ABLIM2: variants seen among roughly 807,000 people sequenced by gnomAD.
ABLIM2 encodes actin binding LIM protein family member 2, also known as actin-binding LIM protein 2.
ABLIM2 carries 53 observed loss-of-function variants against 97.7 expected under a neutral mutation model. The ratio of observed to expected loss-of-function variants is 0.54; its 90% CI spans 0.44 to 0.68. ABLIM2 has a LOEUF of 0.68. Ranked by LOEUF, ABLIM2 falls within the 30% of genes least tolerant of loss-of-function variation. The pLI is 0.00. For missense variants in ABLIM2, 835 were observed against 867.2 expected (o/e 0.96, Z 0.47); for synonymous variants, 361 against 345.8 (o/e 1.04, Z -0.49).
At chr4:8,007,884 C>T in intron 16 of ABLIM2, 175 bp downstream of exon 16, 2 of 1,412,188 alleles carry the variant, frequency 1.4e-6, no homozygotes, top group Non-Finnish European at 1.8e-6. Context: ...GGGAAGCCGG[C>T]AAACTGCAAA....
chr4:8,088,189 T>C lies in ABLIM2; in HGVS notation c.434A>G (p.His145Arg), dbSNP rs762505602. The C allele has an allele frequency of 2.6e-6, 4 of 1,517,612 alleles. No individual in the cohort carries two copies. The South Asian group carries it at 4.5e-5, about 17-fold the overall frequency. The allele number at this position is 1,517,612 out of a possible 1,614,324, so 94.0% of individuals were successfully genotyped here. ...SLPVSVGSSA[H>R]LSQGLRSCGG... The stretch of plus-strand genomic sequence containing the variant: ...CTTACTTCGGAGGCCCTGGGACAGG[T>C]GCGCGCTGCTGCCCACCGATACGGG... Residue 145 changes from histidine (H) to arginine (R), a missense_variant, in exon 4 of 21, where the codon CAC (histidine) becomes CGC (arginine). Coordinates refer to ENST00000447017, the MANE Select transcript of ABLIM2 (RefSeq NM_001130083.2).
rs200683603 is a variant in ABLIM2 at position 7,992,951 on chromosome 4, T to C, written c.1619-24A>G. ...TCCTGAAACAGACACAGCACAGCTTTGTCACGCGCGCAGACTCGGTGCAGC... is the reference window on the plus strand; with the variant it reads ...TCCTGAAACAGACACAGCACAGCTTCGTCACGCGCGCAGACTCGGTGCAGC... On this transcript the variant is annotated intron_variant, in intron 16 of 20. Transcript: ENST00000447017. This position sits in a 1 kb window ranked among gnomAD's most constrained non-coding sequence, Gnocchi z 5.7. 4.3e-6 allele frequency: 7 copies of C among 1,610,738 alleles called. No individual in the cohort carries two copies. The highest frequency in any genetic ancestry group is 5.1e-6 in the Non-Finnish European group (6 of 1,178,818).
intron 5 of ABLIM2, among the ~76,000 whole-genome samples, chr4:8,080,475 G>C (rs1048014891): frequency 6.6e-6 from 1 of 152,214 alleles, no homozygotes; most frequent in Non-Finnish European, 1.5e-5. Flanking sequence ...GGCTGGCCAG[G>C]GAAGGGGGAC....
At chr4:8,136,400 A>T (rs1256422965) in intron 1 of ABLIM2, among the ~76,000 whole-genome samples, 1 of 152,256 alleles carries the variant, frequency 6.6e-6, no homozygotes, top group Non-Finnish European at 1.5e-5. Flanking sequence ...TTAGTGCCAC[A>T]GGATGGCACA....
In ABLIM2 at chr4:8,142,454, G is replaced by A. The variant is rs182588492; in HGVS notation, c.10+16226C>T. ...CAGAGGGCACATGTCCTGGTCACCC[G>A]GCTTCCCCATTGCCCTCCCTGGCCC... is the stretch of plus-strand genomic sequence containing the variant. On this transcript the variant is annotated intron_variant, in intron 1 of 20. Coordinates refer to ENST00000447017, the MANE Select transcript of ABLIM2 (RefSeq NM_001130083.2). 1.2e-3 allele frequency among the ~76,000 whole-genome samples: 183 copies of A among 152,282 alleles called. 1 individual carries two copies. In the Middle Eastern group the frequency reaches 0.024, roughly 20 times the overall value.
chr4:7,989,196 T>C lies in ABLIM2; in HGVS notation c.1680+3670A>G, dbSNP rs565562767. The stretch of plus-strand genomic sequence containing the variant: ...TCCCAGGTTCAAGCATTCTTTATTC[T>C]TGTGCTCAAGTAGCTGGGATATTAG... On this transcript the variant is annotated intron_variant, in intron 17 of 20. Transcript: ENST00000447017. Among the ~76,000 whole-genome samples the C allele has an allele frequency of 2.0e-5, 3 of 151,802 alleles. No individual in the cohort carries two copies. The South Asian group carries it at 6.3e-4, about 32-fold the overall frequency.
In ABLIM2 at chr4:7,998,767, G is replaced by T. The variant is rs1293608390; in HGVS notation, c.1619-5840C>A. 3 of 457,030 alleles carry T rather than the reference G, an allele frequency of 6.6e-6. No homozygotes were observed. The highest frequency in any genetic ancestry group is 3.1e-5 in the South Asian group (2 of 64,824). The allele number at this position is 457,030 out of a possible 1,614,324, so 28.3% of individuals were successfully genotyped here. On this transcript the variant is annotated intron_variant, in intron 16 of 20. Transcript: ENST00000447017. This position sits in a 1 kb window ranked among gnomAD's most constrained non-coding sequence, Gnocchi z 6.4. ...CCTGGGCCACCTCCTGCTGCTGGGT[G>T]GGGGTGGGAGTGGGCAGGCAGGGCT...
rs1043824525 is a variant in ABLIM2 at position 7,992,422 on chromosome 4, G to A, written c.1680+444C>T. Among the ~76,000 whole-genome samples, 1 of 152,172 alleles carries A rather than the reference G, an allele frequency of 6.6e-6. No individual in the cohort carries two copies. The highest frequency in any genetic ancestry group is 1.5e-5 in the Non-Finnish European group (1 of 68,042). The stretch of plus-strand genomic sequence containing the variant: ...GCTAAGGATTATTTGGTGTCATCAC[G>A]GTAACAGTAATAGCAGGGAAGGCCA... On this transcript the variant is annotated intron_variant, in intron 17 of 20. Coordinates refer to ENST00000447017, the MANE Select transcript of ABLIM2 (RefSeq NM_001130083.2). This position sits in a 1 kb window ranked among gnomAD's most constrained non-coding sequence, Gnocchi z 5.7.
intron 1 of ABLIM2, among the ~76,000 whole-genome samples, chr4:8,133,015 T>G (rs1849645318): frequency 6.6e-6 from 1 of 152,142 alleles, no homozygotes; most frequent in Non-Finnish European, 1.5e-5. Flanking sequence ...GATCAGGGGT[T>G]GTGAGGACAA....
In ABLIM2 at chr4:8,083,139, G is replaced by A. The variant is rs1337239372; in HGVS notation, c.455-2337C>T. Among the ~76,000 whole-genome samples the A allele has an allele frequency of 6.6e-6, 1 of 152,152 alleles. No homozygotes were observed. Among genetic ancestry groups the A allele is most frequent in the Non-Finnish European group, 1.5e-5 (1 of 68,022 alleles). ...AATGGTGCTGGAGCTGAGATCCCCG[G>A]CTCCAAGCCTCTGTTGGCTTCTCTG... On this transcript the variant is annotated intron_variant, in intron 4 of 20. Coordinates refer to ENST00000447017, the MANE Select transcript of ABLIM2 (RefSeq NM_001130083.2). The surrounding 1 kb of genome is among the most constrained non-coding windows in gnomAD (Gnocchi z 4.6).
At chr4:8,146,689 C>T (rs1851848074) in intron 1 of ABLIM2, among the ~76,000 whole-genome samples, 1 of 152,042 alleles carries the variant, frequency 6.6e-6, no homozygotes, top group Non-Finnish European at 1.5e-5. Flanking sequence ...AGGCACATGC[C>T]CAGCTAATTT....
At chr4:8,118,502 G>C (rs949346415) in intron 1 of ABLIM2, among the ~76,000 whole-genome samples, 2 of 152,206 alleles carry the variant, frequency 1.3e-5, no homozygotes, top group Admixed American at 6.5e-5. Flanking sequence ...AAGTTGGCAA[G>C]GTGGCAAGAT....
In ABLIM2 at chr4:8,032,600, G is replaced by T; in HGVS notation, c.1048-2824C>A. On this transcript the variant is annotated intron_variant, in intron 10 of 20. Coordinates refer to ENST00000447017, the MANE Select transcript of ABLIM2 (RefSeq NM_001130083.2). This position sits in a 1 kb window ranked among gnomAD's most constrained non-coding sequence, Gnocchi z 4.3. ...GCTGGGTGGTTATGTTTATAACCCA[G>T]GCAGCAGCGCCACGGCAAGCGGGGA... is the stretch of plus-strand genomic sequence containing the variant. The T allele has an allele frequency of 6.2e-7, 1 of 1,611,270 alleles. No homozygotes were observed. Among genetic ancestry groups the T allele is most frequent in the Non-Finnish European group, 8.5e-7 (1 of 1,179,126 alleles).
chr4:8,095,871 G>T lies in ABLIM2; in HGVS notation c.338+1228C>A, dbSNP rs765919421. Reference sequence around the variant, plus strand: ...GTTTCCCAAATCCAGGAATTGTTTCGCTTGCAGCAACCTGGTCATTCTCTG... The same window carrying T: ...GTTTCCCAAATCCAGGAATTGTTTCTCTTGCAGCAACCTGGTCATTCTCTG... On this transcript the variant is annotated intron_variant, in intron 3 of 20. Transcript: ENST00000447017. The surrounding 1 kb of genome is among the most constrained non-coding windows in gnomAD (Gnocchi z 4.7). Among the ~76,000 whole-genome samples the T allele has an allele frequency of 1.3e-5, 2 of 152,150 alleles. No homozygotes were observed. Among genetic ancestry groups the T allele is most frequent in the Non-Finnish European group, 2.9e-5 (2 of 68,032 alleles).
chr4:8,091,288 TA>T (rs1478439598), intron 3 of ABLIM2, among the ~76,000 whole-genome samples: 3 of 68,550 alleles, frequency 4.4e-5, no homozygotes, highest in African/African-American at 2.0e-4. Context: ...TAATTATATA[TA>T]ATATTATATA....
At chr4:8,142,641 G>T (rs1851166690) in intron 1 of ABLIM2, among the ~76,000 whole-genome samples, 2 of 152,214 alleles carry the variant, frequency 1.3e-5, no homozygotes, top group African/African-American at 4.8e-5. Context: ...GTGGGCGCTG[G>T]CATCCTTGAT....
At chr4:8,105,214 G>A (rs1027138039) in intron 2 of ABLIM2, among the ~76,000 whole-genome samples, 6 of 152,192 alleles carry the variant, frequency 3.9e-5, no homozygotes, top group East Asian at 1.9e-4. Context: ...TAGCCAGCAC[G>A]CCACCTCCTC....
intron 6 of ABLIM2, among the ~76,000 whole-genome samples, chr4:8,062,623 T>C (rs574458950): frequency 3.9e-5 from 6 of 152,050 alleles, no homozygotes; most frequent in Admixed American, 2.0e-4. Context: ...GTATTTTTAG[T>C]AGAGACGGGG....
At chr4:8,035,226 C>G (rs1292315567) in intron 10 of ABLIM2, among the ~76,000 whole-genome samples, 2 of 152,020 alleles carry the variant, frequency 1.3e-5, no homozygotes, top group Non-Finnish European at 2.9e-5. Flanking sequence ...AGAAGCAAGT[C>G]AGGAGGGCAC....
Sources: allele counts gnomAD v4.1 joint callset (sites outside exome capture counted in the v4.1 genomes callset), GRCh38; gene constraint gnomAD v4.1.1; non-coding constraint Gnocchi (gnomAD v3.1); transcripts MANE v1.5; gene names NCBI Gene and HGNC (gene_info 2026-07-23, HGNC 2026-07-21).